The following PLEKHA5 variants were observed in gnomAD, a reference collection of about 807,000 sequenced individuals.
PLEKHA5 encodes pleckstrin homology domain containing A5, also known as pleckstrin homology domain-containing family A member 5.
PLEKHA5 carries 55 observed loss-of-function variants against 181.9 expected under a neutral mutation model. The ratio of observed to expected loss-of-function variants is 0.30; its 90% CI spans 0.24 to 0.38. The LOEUF is 0.38. Among genes scored for constraint, PLEKHA5 ranks in the 10% least tolerant of loss-of-function variants. The probability of loss-of-function intolerance (pLI) is 1.00; values close to 1 mark genes in which losing one functional copy is unlikely to be tolerated. For missense variants in PLEKHA5, 1,432 were observed against 1,549.5 expected (o/e 0.92, Z 1.27); for synonymous variants, 535 against 529.4 (o/e 1.01, Z -0.15).
chr12:19,326,980 G>A (rs973690717), intron 20 of PLEKHA5, among the ~76,000 whole-genome samples: 2 of 152,184 alleles, frequency 1.3e-5, no homozygotes. Context: ...TGGGCATCTA[G>A]GTTGGTTCCA....
intron 3 of PLEKHA5, among the ~76,000 whole-genome samples, chr12:19,199,435 A>AGT (rs1232744670): frequency 2.0e-5 from 3 of 152,130 alleles, no homozygotes. Context: ...CAAAGAATGA[A>AGT]GTGGTGGCAG....
intron 25 of PLEKHA5, among the ~76,000 whole-genome samples, chr12:19,352,213 G>T (rs1428206690): frequency 6.6e-6 from 1 of 151,586 alleles, no homozygotes; most frequent in Non-Finnish European, 1.5e-5. Flanking sequence ...GCAAGATCCT[G>T]TCTGTCTCTA....
intron 15 of PLEKHA5, among the ~76,000 whole-genome samples, chr12:19,302,942 G>C (rs2082015150): frequency 2.4e-5 from 1 of 41,532 alleles, no homozygotes; most frequent in African/African-American, 1.2e-4. Context: ...TTTTTTTTGA[G>C]ATGGAGTCCT....
At chr12:19,223,077 C>T (rs1420751316) in intron 3 of PLEKHA5, among the ~76,000 whole-genome samples, 1 of 149,990 alleles carries the variant, frequency 6.7e-6, no homozygotes, top group Non-Finnish European at 1.5e-5. Context: ...TTAGGCAGGC[C>T]TAGCCTAATT....
intron 18 of PLEKHA5, 53 bp from the exon 19 acceptor site, chr12:19,322,257 A>G: frequency 8.8e-7 from 1 of 1,131,520 alleles, no homozygotes; most frequent in Non-Finnish European, 1.3e-6. Flanking sequence ...GCCTACCTCC[A>G]ATTACAGAAA....
chr12:19,311,422 A>G (rs2086488060), intron 15 of PLEKHA5, among the ~76,000 whole-genome samples: 1 of 151,654 alleles, frequency 6.6e-6, no homozygotes, highest in African/African-American at 2.4e-5. Flanking sequence ...CAGTCTGGGC[A>G]ACAGAGCAAA....
chr12:19,174,190 C>G (rs2046650255), intron 3 of PLEKHA5, among the ~76,000 whole-genome samples: 1 of 152,014 alleles, frequency 6.6e-6, no homozygotes, highest in African/African-American at 2.4e-5. Flanking sequence ...ATGTAAATGC[C>G]TGTAAGGGGC....
chr12:19,281,309 G>A (rs536444322), intron 11 of PLEKHA5, among the ~76,000 whole-genome samples: 10 of 151,938 alleles, frequency 6.6e-5, no homozygotes, highest in African/African-American at 2.4e-4. Flanking sequence ...GAGGCCAGGC[G>A]CTCACTCCTG....
At chr12:19,212,454 G>C (rs965323112) in intron 3 of PLEKHA5, among the ~76,000 whole-genome samples, 6 of 152,168 alleles carry the variant, frequency 3.9e-5, no homozygotes, top group Non-Finnish European at 5.9e-5. Context: ...GCCGAGGCGG[G>C]CTGATCACCT....
intron 28 of PLEKHA5, 83 bp from the exon 29 acceptor site, chr12:19,361,499 C>T (rs1319111101): frequency 2.3e-5 from 18 of 771,138 alleles, no homozygotes; most frequent in Non-Finnish European, 2.5e-5. Flanking sequence ...GTTCAATAAA[C>T]TTTATTTTGG....
At chr12:19,211,451 A>T (rs2056880168) in intron 3 of PLEKHA5, among the ~76,000 whole-genome samples, 1 of 152,092 alleles carries the variant, frequency 6.6e-6, no homozygotes, top group Non-Finnish European at 1.5e-5. Flanking sequence ...TGAGGCAGAG[A>T]TGGAGTGATG....
At chr12:19,134,892 T>C (rs1281172303) in intron 3 of PLEKHA5, among the ~76,000 whole-genome samples, 1 of 152,090 alleles carries the variant, frequency 6.6e-6, no homozygotes, top group Admixed American at 6.5e-5. Context: ...AGTAGGAAAG[T>C]GATTCGTGTT....
intron 24 of PLEKHA5, among the ~76,000 whole-genome samples, chr12:19,347,781 A>G (rs2094409647): frequency 6.6e-6 from 1 of 152,064 alleles, no homozygotes; most frequent in Admixed American, 6.6e-5. Context: ...CACTTAGACT[A>G]CCTTGTGAAT....
intron 20 of PLEKHA5, among the ~76,000 whole-genome samples, chr12:19,333,678 G>T (rs895444390): frequency 1.4e-5 from 2 of 144,216 alleles, no homozygotes; most frequent in African/African-American, 5.1e-5. Context: ...ACACCATCTC[G>T]GCTCACTGCA....
chr12:19,196,301 G>T (rs1261344484), intron 3 of PLEKHA5, among the ~76,000 whole-genome samples: 1 of 152,130 alleles, frequency 6.6e-6, no homozygotes, highest in Non-Finnish European at 1.5e-5. Context: ...TTTAATAGTA[G>T]ATTTTTCATA....
chr12:19,366,384 G>A (rs1017789046), intron 30 of PLEKHA5, among the ~76,000 whole-genome samples: 6 of 152,076 alleles, frequency 3.9e-5, no homozygotes, highest in African/African-American at 9.7e-5. Context: ...GGCCGGGTGC[G>A]GTGGCTCACA....
At chr12:19,233,514 A>G (rs1592148592) in intron 3 of PLEKHA5, among the ~76,000 whole-genome samples, 1 of 152,192 alleles carries the variant, frequency 6.6e-6, no homozygotes, top group East Asian at 1.9e-4. Context: ...GTACCAATTT[A>G]CGGTATTCAG....
chr12:19,304,138 C>T (rs2082423996), intron 15 of PLEKHA5, among the ~76,000 whole-genome samples: 2 of 149,926 alleles, frequency 1.3e-5, no homozygotes, highest in Admixed American at 6.6e-5. Context: ...AAAAGAGTAA[C>T]TGGCCAGGCA....
At chr12:19,329,876 G>A (rs1472502637) in intron 20 of PLEKHA5, among the ~76,000 whole-genome samples, 1 of 151,434 alleles carries the variant, frequency 6.6e-6, no homozygotes. Flanking sequence ...CAGGAGTTTG[G>A]GACCAACCTA....
Sources: gnomAD v4.1 joint callset for allele counts (sites outside exome capture counted in the v4.1 genomes callset) on GRCh38, gnomAD v4.1.1 for gene constraint, MANE v1.5 for transcripts, NCBI Gene and HGNC (gene_info 2026-07-23, HGNC 2026-07-21) for gene names.